The following MARK2 variants were observed in gnomAD, a reference collection of about 807,000 sequenced individuals.
MARK2 encodes serine/threonine-protein kinase MARK2.
In MARK2, 16 loss-of-function variants were observed where a neutral mutation model predicts 89.8. The ratio of observed to expected loss-of-function variants is 0.18; its 90% CI spans 0.12 to 0.27. The LOEUF (loss-of-function observed/expected upper bound fraction) is 0.27. MARK2 is among the 10% of genes least tolerant of loss of function. The pLI is 1.00. For missense variants in MARK2, 621 were observed against 1,049.9 expected (o/e 0.59, Z 5.65); for synonymous variants, 382 against 399.5 (o/e 0.96, Z 0.52).
At chr11:63,844,736 C>G (rs1348446891) in intron 1 of MARK2, among the ~76,000 whole-genome samples, 1 of 152,172 alleles carries the variant, frequency 6.6e-6, no homozygotes, top group African/African-American at 2.4e-5. Flanking sequence ...AGGGTTCGAG[C>G]TTTTGGGAGT....
chr11:63,871,390 T>C (rs544475330), intron 1 of MARK2, among the ~76,000 whole-genome samples: 53 of 150,140 alleles, frequency 3.5e-4, no homozygotes, highest in South Asian at 3.2e-3. Flanking sequence ...TGTGCAGGTG[T>C]GGCTGAAGAG....
chr11:63,852,213 A>T (rs186643122), intron 1 of MARK2, among the ~76,000 whole-genome samples: 8 of 152,312 alleles, frequency 5.3e-5, no homozygotes, highest in Admixed American at 5.2e-4. Flanking sequence ...GTAGTACTTT[A>T]AGGTAAAAAT....
chr11:63,898,730 C>T (rs369973787), intron 5 of MARK2, 33 bp from the exon 6 acceptor site: 2 of 1,610,666 alleles, frequency 1.2e-6, no homozygotes, highest in African/African-American at 2.7e-5. Flanking sequence ...CTCCAGCCAG[C>T]TCTGACTGAG....
At chr11:63,896,115 G>A (rs1245303181) in intron 3 of MARK2, among the ~76,000 whole-genome samples, 1 of 152,146 alleles carries the variant, frequency 6.6e-6, no homozygotes, top group East Asian at 1.9e-4. Context: ...CTACCTTCGG[G>A]GCTTTGGTTG....
intron 1 of MARK2, among the ~76,000 whole-genome samples, chr11:63,875,189 C>T (rs1406864431): frequency 4.1e-5 from 6 of 145,548 alleles, no homozygotes; most frequent in East Asian, 2.0e-4. Context: ...GGTGCGATCT[C>T]GGCTCACTAC....
chr11:63,872,298 A>T (rs1591019754), intron 1 of MARK2, among the ~76,000 whole-genome samples: 2 of 152,292 alleles, frequency 1.3e-5, no homozygotes, highest in South Asian at 4.1e-4. Flanking sequence ...ATTGCACAAC[A>T]CAGCCAATGA....
intron 1 of MARK2, among the ~76,000 whole-genome samples, chr11:63,850,315 A>ATTTT (rs34074167): frequency 2.3e-4 from 22 of 95,762 alleles, no homozygotes; most frequent in Admixed American, 1.4e-3. Flanking sequence ...TACCTGGCTA[A>ATTTT]TTTTTTTTTT....
At chr11:63,872,739 T>C (rs1443501531) in intron 1 of MARK2, among the ~76,000 whole-genome samples, 1 of 152,172 alleles carries the variant, frequency 6.6e-6, no homozygotes, top group Admixed American at 6.5e-5. Context: ...AAAATTCTTA[T>C]GCAGCTGGTT....
chr11:63,900,488 A>C lies in MARK2; in HGVS notation c.769-71A>C. The C allele has an allele frequency of 4.0e-4, 619 of 1,549,150 alleles. No homozygotes were observed. Among genetic ancestry groups the C allele is most frequent in the Non-Finnish European group, 4.9e-4 (553 of 1,134,180 alleles). On this transcript the variant is annotated intron_variant, in intron 8 of 18. Transcript: ENST00000402010. This position sits in a 1 kb window ranked among gnomAD's most constrained non-coding sequence, Gnocchi z 4.7. The stretch of plus-strand genomic sequence containing the variant: ...GCTTTGCCAGGCTTAAGCTCTCAGG[A>C]TCTTGGATATTAGGTTTCTTCCTTT...
At chr11:63,860,278 G>A (rs1412556977) in intron 1 of MARK2, among the ~76,000 whole-genome samples, 1 of 152,064 alleles carries the variant, frequency 6.6e-6, no homozygotes, top group Non-Finnish European at 1.5e-5. Context: ...TGTCGGCTGG[G>A]TGCAGTGGCT....
intron 1 of MARK2, among the ~76,000 whole-genome samples, chr11:63,869,556 A>C (rs1239311843): frequency 2.6e-5 from 4 of 152,044 alleles, no homozygotes; most frequent in African/African-American, 9.7e-5. Flanking sequence ...GGGAGCTTGT[A>C]AATTGTGAGT....
At chr11:63,888,661 G>T (rs1331065430) in intron 1 of MARK2, 33 of 1,176,210 alleles carry the variant, frequency 2.8e-5, no homozygotes, top group Non-Finnish European at 3.5e-5. Context: ...AGCCAGCGGG[G>T]CTTTGTCCCT....
At chr11:63,898,340 T>C in intron 4 of MARK2, 60 bp downstream of exon 4, 1 of 1,497,470 alleles carries the variant, frequency 6.7e-7, no homozygotes, top group South Asian at 1.1e-5. Context: ...CTTTCCAGCA[T>C]GTCATCTTCT....
intron 1 of MARK2, among the ~76,000 whole-genome samples, chr11:63,841,183 T>G (rs889125145): frequency 1.3e-5 from 2 of 152,250 alleles, no homozygotes; most frequent in Non-Finnish European, 2.9e-5. Context: ...TGTTGTATTC[T>G]CTTGCATGTG....
intron 1 of MARK2, among the ~76,000 whole-genome samples, 192 bp downstream of exon 1, chr11:63,839,752 C>A (rs1248575145): frequency 6.8e-6 from 1 of 146,848 alleles, no homozygotes; most frequent in Admixed American, 6.9e-5. Flanking sequence ...CTCGTCCTGA[C>A]TCCAAGCTGC....
At chr11:63,874,799 C>G (rs1042801675) in intron 1 of MARK2, among the ~76,000 whole-genome samples, 1 of 152,170 alleles carries the variant, frequency 6.6e-6, no homozygotes, top group African/African-American at 2.4e-5. Flanking sequence ...GGTCACTTGA[C>G]ATGGTAGAGC....
chr11:63,848,707 T>C (rs564759123), intron 1 of MARK2, among the ~76,000 whole-genome samples: 3 of 151,814 alleles, frequency 2.0e-5, no homozygotes, highest in African/African-American at 7.2e-5. Context: ...CCCACCACCA[T>C]GCCCAGCTAA....
rs887441552 is a variant in MARK2, at chr11:63,879,850, C to T, written c.55-15309C>T. Among the ~76,000 whole-genome samples the T allele has an allele frequency of 1.4e-4, 21 of 152,122 alleles. 1 individual carries two copies. Among genetic ancestry groups the T allele is most frequent in the Non-Finnish European group, 5.9e-5 (4 of 68,020 alleles). On this transcript the variant is annotated intron_variant, in intron 1 of 18. Coordinates refer to ENST00000402010, the MANE Select transcript of MARK2 (RefSeq NM_001039469.3). Reference sequence around the variant, plus strand: ...CAGTATTTTTTTCTGACATTTCCTCCTCCTTATTCAACTCCCTCTTTGAAA... The same window carrying T: ...CAGTATTTTTTTCTGACATTTCCTCTTCCTTATTCAACTCCCTCTTTGAAA...
chr11:63,888,611 T>C (rs1468872588), intron 1 of MARK2: 2 of 1,147,536 alleles, frequency 1.7e-6, no homozygotes, highest in Admixed American at 4.1e-5. Context: ...TGTCCTGGAA[T>C]TGCACGCGCT....
Sources: gnomAD v4.1 joint callset for allele counts (sites outside exome capture counted in the v4.1 genomes callset) on GRCh38, gnomAD v4.1.1 for gene constraint, Gnocchi (gnomAD v3.1) non-coding constraint, MANE v1.5 for transcripts, NCBI Gene and HGNC (gene_info 2026-07-23, HGNC 2026-07-21) for gene names.